RPS6KA2: variants seen among roughly 807,000 people sequenced by gnomAD.
RPS6KA2 encodes the protein ribosomal protein S6 kinase alpha-2.
A neutral mutation model predicts 91.8 loss-of-function variants in RPS6KA2; 42 were observed. The ratio of observed to expected loss-of-function variants is 0.46; its 90% CI spans 0.36 to 0.59. The LOEUF (loss-of-function observed/expected upper bound fraction) is 0.59, where lower values mean the gene tolerates loss of function less well. RPS6KA2 is among the 20% of genes least tolerant of loss of function. RPS6KA2 has a pLI of 0.00. For synonymous variants in RPS6KA2, 414 were observed against 393.6 expected, an observed-to-expected ratio of 1.05 and a Z score of -0.61; for missense variants, 798 against 978.5, an observed-to-expected ratio of 0.82 and a Z score of 2.46.
chr6:166,461,611 AAG>A (rs201026325), intron 11 of RPS6KA2, among the ~76,000 whole-genome samples: 3 of 150,660 alleles, frequency 2.0e-5, no homozygotes, highest in Admixed American at 6.6e-5. Flanking sequence ...GGGGGTAAGA[AAG>A]AGAGAGAGCA....
intron 2 of RPS6KA2, among the ~76,000 whole-genome samples, chr6:166,802,786 T>C (rs987038559): frequency 2.6e-5 from 4 of 152,090 alleles, no homozygotes; most frequent in African/African-American, 7.2e-5. Context: ...TTGTCACTCA[T>C]TAAGAAATAG....
At chr6:166,614,576 G>T (rs190445408) in intron 1 of RPS6KA2, among the ~76,000 whole-genome samples, 1 of 152,220 alleles carries the variant, frequency 6.6e-6, no homozygotes, top group Non-Finnish European at 1.5e-5. Flanking sequence ...CAGAATATTC[G>T]CTTTGTCTTG....
chr6:166,744,418 C>T (rs1164737236), intron 2 of RPS6KA2, among the ~76,000 whole-genome samples: 2 of 152,126 alleles, frequency 1.3e-5, no homozygotes, highest in Non-Finnish European at 2.9e-5. Flanking sequence ...GGGAGCGTTG[C>T]TGCCCGCTGA....
chr6:166,667,365 C>T (rs771324392), intron 2 of RPS6KA2, among the ~76,000 whole-genome samples: 4 of 152,184 alleles, frequency 2.6e-5, no homozygotes, highest in Non-Finnish European at 4.4e-5. Flanking sequence ...TCGATAATTT[C>T]TTATTCTATA....
chr6:166,420,639 C>T (rs536877110), intron 17 of RPS6KA2, among the ~76,000 whole-genome samples: 4 of 152,292 alleles, frequency 2.6e-5, no homozygotes, highest in South Asian at 2.1e-4. Flanking sequence ...ATTCATCCAC[C>T]GAGGGACACT....
At chr6:166,782,858 G>A (rs1045521207) in intron 2 of RPS6KA2, among the ~76,000 whole-genome samples, 1 of 152,026 alleles carries the variant, frequency 6.6e-6, no homozygotes, top group Non-Finnish European at 1.5e-5. Flanking sequence ...TTATTCTTAA[G>A]CTGACTCAGC....
In RPS6KA2 at chr6:166,447,480, T is replaced by G. The variant is rs567234721; in HGVS notation, c.1332+1244A>C. On this transcript the variant is annotated intron_variant, in intron 14 of 20. Transcript: ENST00000265678. ...TTGACCCAAACAAAATCAAGGGACC[T>G]GAGATTTTTTTTCGGCTGGCGTCTT... Among the ~76,000 whole-genome samples the G allele has an allele frequency of 4.6e-5, 7 of 152,306 alleles. No individual in the cohort carries two copies. In the South Asian group the frequency reaches 1.5e-3, roughly 32 times the overall value.
chr6:166,597,212 G>A (rs1785563892), intron 1 of RPS6KA2, among the ~76,000 whole-genome samples: 1 of 152,264 alleles, frequency 6.6e-6, no homozygotes, highest in African/African-American at 2.4e-5. Context: ...TACGGGATAA[G>A]TCGAAAGAAT....
chr6:166,719,885 C>A (rs1790124092), intron 2 of RPS6KA2, among the ~76,000 whole-genome samples: 1 of 152,154 alleles, frequency 6.6e-6, no homozygotes, highest in Admixed American at 6.5e-5. Flanking sequence ...TTATAATTTG[C>A]AAATGCTATG....
chr6:166,730,604 C>G (rs1342289098), intron 2 of RPS6KA2, among the ~76,000 whole-genome samples: 1 of 152,122 alleles, frequency 6.6e-6, no homozygotes, highest in South Asian at 2.1e-4. Context: ...CATGGCTAGT[C>G]TAAGTTTTTG....
chr6:166,640,112 T>C (rs1222221605), intron 2 of RPS6KA2, among the ~76,000 whole-genome samples: 1 of 152,090 alleles, frequency 6.6e-6, no homozygotes, highest in Non-Finnish European at 1.5e-5. Context: ...ATAAGGGACT[T>C]TTCCAAGCCT....
At chr6:166,817,309 C>A (rs1779791401) in intron 2 of RPS6KA2, among the ~76,000 whole-genome samples, 1 of 152,050 alleles carries the variant, frequency 6.6e-6, no homozygotes, top group Non-Finnish European at 1.5e-5. Flanking sequence ...CTTAGTCTGG[C>A]AATTATGTGT....
intron 1 of RPS6KA2, among the ~76,000 whole-genome samples, chr6:166,583,368 G>A (rs567349772): frequency 6.6e-5 from 10 of 152,250 alleles, no homozygotes; most frequent in African/African-American, 1.4e-4. Flanking sequence ...CTGCGGAAAC[G>A]GCTCCCTCCA....
intron 2 of RPS6KA2, among the ~76,000 whole-genome samples, chr6:166,843,544 C>A (rs1252293132): frequency 1.3e-5 from 2 of 152,242 alleles, no homozygotes; most frequent in Non-Finnish European, 2.9e-5. Flanking sequence ...TCCACTGGAG[C>A]AGGTGCTGGT....
rs982235707 is a variant in RPS6KA2 at position 166,626,872 on chromosome 6, G to C, written c.99+49C>G. On this transcript the variant is annotated intron_variant, in intron 1 of 20. Transcript: ENST00000265678. The surrounding 1 kb of genome is among the most constrained non-coding windows in gnomAD (Gnocchi z 4.1). Reference sequence around the variant, plus strand: ...TGGCGAGGCGGGCTCGGGCGACCACGGCCCGCTCAGTGCCCGGCACCTGCG... The same window carrying C: ...TGGCGAGGCGGGCTCGGGCGACCACCGCCCGCTCAGTGCCCGGCACCTGCG... 1.4e-6 allele frequency: 2 copies of C among 1,395,476 alleles called. No individual in the cohort carries two copies. The highest frequency in any genetic ancestry group is 3.0e-5 in the South Asian group (2 of 66,352). 86.4% of individuals were successfully genotyped at this position (1,395,476 alleles called of 1,614,324 possible). A position where few individuals can be genotyped will look rare whatever the true frequency, so the allele number is the denominator to read the frequency against.
chr6:166,507,395 CCA>C (rs1322456603), intron 5 of RPS6KA2, among the ~76,000 whole-genome samples: 22 of 150,614 alleles, frequency 1.5e-4, no homozygotes, highest in African/African-American at 1.7e-4. Context: ...CACACCCACC[CCA>C]CATCACACAT....
intron 2 of RPS6KA2, among the ~76,000 whole-genome samples, chr6:166,745,899 G>C (rs1226465341): frequency 6.6e-6 from 1 of 152,180 alleles, no homozygotes; most frequent in Non-Finnish European, 1.5e-5. Context: ...GACTAATTTG[G>C]AAAAGAGCTG....
rs544810173 is a variant in RPS6KA2 at position 166,468,309 on chromosome 6, C to T, written c.972+1532G>A. On this transcript the variant is annotated intron_variant, in intron 11 of 20. Transcript: ENST00000265678. The stretch of plus-strand genomic sequence containing the variant: ...GAGGCACAGATGTCCTGAAACTTTA[C>T]ACTCTTTTCTCTAATCTTACTTTCG... Among the ~76,000 whole-genome samples, 7 of 152,344 alleles carry T rather than the reference C, an allele frequency of 4.6e-5. No individual in the cohort carries two copies. In the South Asian group the frequency reaches 1.4e-3, roughly 32 times the overall value.
intron 1 of RPS6KA2, among the ~76,000 whole-genome samples, chr6:166,614,837 G>C (rs1320355181): frequency 6.6e-6 from 1 of 152,126 alleles, no homozygotes; most frequent in Admixed American, 6.5e-5. Context: ...CTCTCACGAG[G>C]ACTCTTGTGA....
Sources: gnomAD v4.1 joint callset for allele counts (sites outside exome capture counted in the v4.1 genomes callset) on GRCh38, gnomAD v4.1.1 for gene constraint, Gnocchi (gnomAD v3.1) non-coding constraint, MANE v1.5 for transcripts, NCBI Gene and HGNC (gene_info 2026-07-23, HGNC 2026-07-21) for gene names.